ARID2: variants seen among roughly 807,000 people sequenced by gnomAD.
The protein encoded by ARID2 is AT-rich interaction domain 2, also known as AT-rich interactive domain-containing protein 2.
In ARID2, 32 loss-of-function variants were observed where a neutral mutation model predicts 184.6. That is an observed-to-expected ratio of 0.17 (90% CI 0.13 to 0.23). The LOEUF is 0.23. Among genes scored for constraint, ARID2 ranks in the 10% least tolerant of loss-of-function variants. The probability of loss-of-function intolerance (pLI) is 1.00; values close to 1 mark genes in which losing one functional copy is unlikely to be tolerated. For synonymous variants in ARID2, 836 were observed against 772.6 expected (o/e 1.08, Z -1.36); for missense variants, 1,696 against 2,197.6 (o/e 0.77, Z 4.56).
chr12:45,868,962 A>G lies in ARID2; in HGVS notation c.4922+8013A>G, dbSNP rs555613550. ...GTTTTGAAATTAGAGTGATGTATAA[A>G]TCAGATTTATTTCTCGAGATTGCCA... On this transcript the variant is annotated intron_variant, in intron 16 of 20. Coordinates refer to ENST00000334344, the MANE Select transcript of ARID2 (RefSeq NM_152641.4). Among the ~76,000 whole-genome samples the G allele has an allele frequency of 3.9e-5, 6 of 151,956 alleles. No homozygotes were observed. The South Asian group carries it at 1.3e-3, about 32-fold the overall frequency.
chr12:45,743,758 A>G (rs1941305928), intron 3 of ARID2, among the ~76,000 whole-genome samples: 1 of 152,182 alleles, frequency 6.6e-6, no homozygotes, highest in Non-Finnish European at 1.5e-5. Flanking sequence ...AGAGCAATGG[A>G]AGTCTTTCCA....
chr12:45,898,103 A>G (rs1028545224), intron 20 of ARID2, among the ~76,000 whole-genome samples: 1 of 152,162 alleles, frequency 6.6e-6, no homozygotes, highest in African/African-American at 2.4e-5. Flanking sequence ...CAGCCTACAA[A>G]GGAAAAAAAA....
rs2136462085 is a variant in ARID2 at position 45,893,417 on chromosome 12, T to C, written c.5148-3T>C. 2 of 1,610,322 alleles carry C rather than the reference T, an allele frequency of 1.2e-6. No individual in the cohort carries two copies. The highest frequency in any genetic ancestry group is 1.1e-5 in the South Asian group (1 of 90,652). On this transcript the variant is annotated splice_region_variant and splice_polypyrimidine_tract_variant and intron_variant, in intron 18 of 20. Coordinates refer to ENST00000334344, the MANE Select transcript of ARID2 (RefSeq NM_152641.4). The stretch of plus-strand genomic sequence containing the variant: ...TCTCTCTCTCTCTCTCTGATCAATT[T>C]AGGCAGCCAACTGTAGGGGGCACAA...
At chr12:45,783,350 G>A (rs1426543879) in intron 3 of ARID2, among the ~76,000 whole-genome samples, 1 of 152,176 alleles carries the variant, frequency 6.6e-6, no homozygotes, top group Non-Finnish European at 1.5e-5. Flanking sequence ...CATGTAGGGG[G>A]TTATGTTAGG....
At chr12:45,771,676 G>C (rs1941880498) in intron 3 of ARID2, among the ~76,000 whole-genome samples, 1 of 150,130 alleles carries the variant, frequency 6.7e-6, no homozygotes, top group Non-Finnish European at 1.5e-5. Flanking sequence ...CTGTCTTAAA[G>C]AGCAAATGTG....
At chr12:45,730,504 A>G (rs1940967523) in intron 2 of ARID2, among the ~76,000 whole-genome samples, 1 of 151,644 alleles carries the variant, frequency 6.6e-6, no homozygotes, top group South Asian at 2.1e-4. Context: ...CTCGCGAGTC[A>G]GCTCTGCCGC....
chr12:45,892,695 A>G (rs747533427), intron 18 of ARID2, among the ~76,000 whole-genome samples: 3 of 152,166 alleles, frequency 2.0e-5, no homozygotes, highest in Non-Finnish European at 4.4e-5. Context: ...GTTTCCTCAT[A>G]TACGAGTCAG....
At chr12:45,812,324 T>C (rs1227599928) in intron 4 of ARID2, among the ~76,000 whole-genome samples, 3 of 152,128 alleles carry the variant, frequency 2.0e-5, no homozygotes, top group Non-Finnish European at 4.4e-5. Context: ...TCTTACAGGT[T>C]ATCCTTAGAT....
chr12:45,730,280 A>G, intron 2 of ARID2, 143 bp downstream of exon 2: 1 of 679,720 alleles, frequency 1.5e-6, no homozygotes, highest in Non-Finnish European at 2.2e-6. Context: ...GGTGGCACGG[A>G]GGCGGACGGC....
At chr12:45,780,608 T>C (rs1942069957) in intron 3 of ARID2, among the ~76,000 whole-genome samples, 1 of 151,922 alleles carries the variant, frequency 6.6e-6, no homozygotes, top group Admixed American at 6.6e-5. Context: ...TAAATTGATA[T>C]AAATTATTAT....
At chr12:45,799,762 T>C (rs1456945229) in intron 3 of ARID2, among the ~76,000 whole-genome samples, 3 of 152,082 alleles carry the variant, frequency 2.0e-5, no homozygotes, top group South Asian at 2.1e-4. Context: ...TACCAAAAGA[T>C]ATAGAAAACA....
At chr12:45,786,324 G>A (rs777444785) in intron 3 of ARID2, among the ~76,000 whole-genome samples, 2 of 152,162 alleles carry the variant, frequency 1.3e-5, no homozygotes, top group Non-Finnish European at 2.9e-5. Flanking sequence ...ATCCTTATAA[G>A]TATGGTGACT....
intron 13 of ARID2, 147 bp downstream of exon 13, chr12:45,849,117 T>C (rs905711676): frequency 1.2e-6 from 1 of 838,426 alleles, no homozygotes; most frequent in Non-Finnish European, 1.7e-6. Flanking sequence ...GTGGTGGAGG[T>C]TTAAATAAAA....
At position 45,899,431 on chromosome 12, in the gene ARID2, C is replaced by A. The variant is rs1397916160; in HGVS notation, c.5364-5503C>A. On this transcript the variant is annotated intron_variant, in intron 20 of 20. Transcript: ENST00000334344. ...CATCCTGGCTAACACAGTGAAACCC[C>A]ATCTCTAGTAAAATATACAAAAAAA... Among the ~76,000 whole-genome samples the A allele has an allele frequency of 2.0e-5, 3 of 148,900 alleles. No individual in the cohort carries two copies. In the East Asian group the frequency reaches 5.9e-4, roughly 29 times the overall value.
chr12:45,901,958 G>A (rs986252523), intron 20 of ARID2, among the ~76,000 whole-genome samples: 10 of 152,046 alleles, frequency 6.6e-5, no homozygotes, highest in Admixed American at 1.3e-4. Context: ...GATTACAGGC[G>A]TGAGCCACCA....
intron 3 of ARID2, 62 bp from the exon 4 acceptor site, chr12:45,811,356 A>G: frequency 6.7e-7 from 1 of 1,490,826 alleles, no homozygotes; most frequent in Non-Finnish European, 9.0e-7. Context: ...ATATGTGGTG[A>G]GAGTTAAAAA....
intron 3 of ARID2, among the ~76,000 whole-genome samples, chr12:45,781,298 A>T (rs1454868593): frequency 2.0e-5 from 3 of 146,364 alleles, no homozygotes; most frequent in Non-Finnish European, 4.5e-5. Context: ...TTGACTAGGG[A>T]GGAGTCTGCT....
intron 6 of ARID2, among the ~76,000 whole-genome samples, chr12:45,830,583 C>A (rs1378799217): frequency 6.6e-6 from 1 of 152,132 alleles, no homozygotes; most frequent in Non-Finnish European, 1.5e-5. Flanking sequence ...TATATTCTGT[C>A]CTCACTACAC....
intron 3 of ARID2, among the ~76,000 whole-genome samples, chr12:45,782,699 G>A (rs913092940): frequency 3.9e-5 from 6 of 152,018 alleles, no homozygotes; most frequent in Non-Finnish European, 7.4e-5. Flanking sequence ...CTAACAAGTG[G>A]CAGAACTAGG....
Sources: gnomAD v4.1 joint callset for allele counts (sites outside exome capture counted in the v4.1 genomes callset) on GRCh38, gnomAD v4.1.1 for gene constraint, MANE v1.5 for transcripts, NCBI Gene and HGNC (gene_info 2026-07-23, HGNC 2026-07-21) for gene names.